The following ASPRV1 variants were observed in gnomAD, a reference collection of about 807,000 sequenced individuals.
ASPRV1 encodes the protein retroviral-like aspartic protease 1.
In ASPRV1, 7 loss-of-function variants were observed where a neutral mutation model predicts 11.0. The ratio of observed to expected loss-of-function variants is 0.64; its 90% CI spans 0.36 to 1.20. ASPRV1 has a LOEUF of 1.20. Among genes scored for constraint, ASPRV1 ranks in the 50% most tolerant of loss-of-function variants. The pLI is 0.02. For synonymous variants in ASPRV1, 136 were observed against 138.4 expected (o/e 0.98, Z 0.12); for missense variants, 299 against 320.0 (o/e 0.93, Z 0.50).
At chr2:69,949,254 CGAATGAATGAATGAAT>C in the ASPRV1 span, among the ~76,000 whole-genome samples, 318 of 150,680 alleles carry the variant, frequency 2.1e-3, 2 homozygotes, top group South Asian at 4.4e-3. Context: ...GATGGATGGG[CGAATGAATGAATGAAT>C]GAATGAATGA....
chr2:70,042,071 G>C, the ASPRV1 span, among the ~76,000 whole-genome samples: 1 of 151,110 alleles, frequency 6.6e-6, no homozygotes, highest in Non-Finnish European at 1.5e-5. Context: ...CACATATTCT[G>C]TAAGATTTTA....
At chr2:69,959,879 T>G (rs1678024573), downstream of ASPRV1, among the ~76,000 whole-genome samples, 1 of 152,198 alleles carries the variant, frequency 6.6e-6, no homozygotes, top group Non-Finnish European at 1.5e-5. Flanking sequence ...GTAGAGGAAT[T>G]ATGACGATTC....
chr2:69,982,749 T>A, the ASPRV1 span, among the ~76,000 whole-genome samples: 1 of 152,102 alleles, frequency 6.6e-6, no homozygotes, highest in Non-Finnish European at 1.5e-5. Flanking sequence ...GGCCTGCAGC[T>A]GGTCACCACA....
At position 69,961,278 on chromosome 2, in the gene ASPRV1, G is replaced by A. The variant is rs2104277009; in HGVS notation, c.159C>T (p.Phe53=). Residue 53 remains phenylalanine (F), a synonymous_variant, in exon 1 of 1, where the codon TTC becomes TTT. Transcript: ENST00000320256. Reference sequence around the variant, plus strand: ...CCTCTCCTCTGAGGGACTCTTTCAGGAACCTTAGCTTGGTGATATGGTCCC... The same window carrying A: ...CCTCTCCTCTGAGGGACTCTTTCAGAAACCTTAGCTTGGTGATATGGTCCC... ...NHWDHITKLR[F]LKESLRGEAL... is the part of the protein sequence containing the mutation. 1 of 1,614,096 alleles carries A rather than the reference G, an allele frequency of 6.2e-7. No homozygotes were observed.
chr2:70,033,183 A>G, the ASPRV1 span, among the ~76,000 whole-genome samples: 34 of 151,150 alleles, frequency 2.2e-4, no homozygotes, highest in Non-Finnish European at 4.1e-4. Flanking sequence ...TATCTCACTC[A>G]CTTCTCACCT....
chr2:69,969,608 A>T, the ASPRV1 span, among the ~76,000 whole-genome samples: 1 of 151,838 alleles, frequency 6.6e-6, no homozygotes, highest in Non-Finnish European at 1.5e-5. Context: ...CACACTCTCC[A>T]GGCCAGGGAC....
the ASPRV1 span, among the ~76,000 whole-genome samples, chr2:69,972,709 G>A: frequency 4.0e-5 from 6 of 151,884 alleles, no homozygotes; most frequent in Non-Finnish European, 7.4e-5. Context: ...ACTCTTCCTC[G>A]TCCTCCCTGG....
chr2:70,036,038 C>A, the ASPRV1 span, among the ~76,000 whole-genome samples: 1 of 150,760 alleles, frequency 6.6e-6, no homozygotes, highest in Non-Finnish European at 1.5e-5. Flanking sequence ...GAGTTTGAAT[C>A]CTAATTCTGC....
At chr2:70,057,364 A>G in the ASPRV1 span, among the ~76,000 whole-genome samples, 1 of 152,096 alleles carries the variant, frequency 6.6e-6, no homozygotes. Context: ...CCATAAATAC[A>G]ATTTTGCACT....
the ASPRV1 span, chr2:70,075,347 C>CAAAAAA: frequency 1.8e-5 from 1 of 55,534 alleles, no homozygotes; most frequent in African/African-American, 5.0e-5. Context: ...GACAACATCT[C>CAAAAAA]AAAAAAAAAA....
chr2:69,991,914 G>C, the ASPRV1 span, among the ~76,000 whole-genome samples: 1 of 152,132 alleles, frequency 6.6e-6, no homozygotes, highest in Non-Finnish European at 1.5e-5. Flanking sequence ...TGAAATTTAG[G>C]ACTAATAAAT....
At chr2:70,029,068 C>CA in the ASPRV1 span, among the ~76,000 whole-genome samples, 1 of 152,188 alleles carries the variant, frequency 6.6e-6, no homozygotes. Context: ...TCCCTCAACT[C>CA]AGAGTAGGGG....
chr2:69,955,329 T>A (rs1677913644), downstream of ASPRV1, among the ~76,000 whole-genome samples: 1 of 152,192 alleles, frequency 6.6e-6, no homozygotes, highest in African/African-American at 2.4e-5. Context: ...ACACATCGTG[T>A]CCTCAGATAA....
At chr2:69,961,772 C>T, upstream of ASPRV1, 6 of 1,416,100 alleles carry the variant, frequency 4.2e-6, no homozygotes, top group Non-Finnish European at 5.7e-6. Flanking sequence ...GGTGCCTCAC[C>T]CTCTGCATCC....
At chr2:69,951,446 AGT>A in the ASPRV1 span, among the ~76,000 whole-genome samples, 12,856 of 107,138 alleles carry the variant, frequency 0.12, 790 homozygotes, top group Middle Eastern at 0.17. Context: ...AAAAAAAGTG[AGT>A]GTGTGTGTGT....
the ASPRV1 span, among the ~76,000 whole-genome samples, chr2:70,008,071 A>T: frequency 1.3e-5 from 2 of 151,840 alleles, no homozygotes; most frequent in African/African-American, 4.8e-5. Flanking sequence ...CCTGACCTCA[A>T]GTGATCTGCC....
chr2:70,025,294 A>G, the ASPRV1 span, among the ~76,000 whole-genome samples: 2 of 152,178 alleles, frequency 1.3e-5, no homozygotes, highest in Admixed American at 1.3e-4. Context: ...ATGGAGGCTC[A>G]TGCTTGTAGT....
At chr2:69,990,651 T>TA in the ASPRV1 span, among the ~76,000 whole-genome samples, 1 of 151,254 alleles carries the variant, frequency 6.6e-6, no homozygotes, top group Non-Finnish European at 1.5e-5. Context: ...GATGAGGTCT[T>TA]ACTATGTTGC....
chr2:70,066,217 A>G, the ASPRV1 span, among the ~76,000 whole-genome samples: 12 of 152,130 alleles, frequency 7.9e-5, no homozygotes, highest in East Asian at 2.3e-3. Context: ...AACACAAAGC[A>G]GTTCAATGGA....
Sources: allele counts gnomAD v4.1 joint callset (sites outside exome capture counted in the v4.1 genomes callset), GRCh38; gene constraint gnomAD v4.1.1; transcripts MANE v1.5; gene names NCBI Gene and HGNC (gene_info 2026-07-23, HGNC 2026-07-21).